The following BRD9 variants were observed in gnomAD, a reference collection of about 807,000 sequenced individuals.
The protein encoded by BRD9 is bromodomain containing 9.
Under a neutral mutation model 68.7 loss-of-function variants are expected in BRD9, and 47 were observed. The observed-to-expected ratio is 0.68, with a 90% confidence interval of 0.54 to 0.87. The LOEUF is 0.87. BRD9 is among the 40% of genes least tolerant of loss of function. BRD9 has a pLI of 0.00. For missense variants in BRD9, 670 were observed against 748.4 expected, an observed-to-expected ratio of 0.90 and a Z score of 1.22; for synonymous variants, 313 against 293.9, an observed-to-expected ratio of 1.06 and a Z score of -0.67.
At chr5:868,810 A>C (rs1749726663) in intron 14 of BRD9, 1 of 153,350 alleles carries the variant, frequency 6.5e-6, no homozygotes, top group African/African-American at 2.4e-5. Flanking sequence ...TTCCCCTATA[A>C]TAAATCACGG....
rs1579986517 is a variant in BRD9 at position 884,480 on chromosome 5, G to A, written c.834-410C>T. ...GGATAGGCGGGGCTGCTCGGGTGTG[G>A]TCTGGTGCTGCTGGGCTGGGTGGAC... On this transcript the variant is annotated intron_variant, in intron 7 of 15. Transcript: ENST00000467963. 2.0e-5 allele frequency among the ~76,000 whole-genome samples: 3 copies of A among 152,358 alleles called. No homozygotes were observed. In the East Asian group the frequency reaches 5.8e-4, roughly 29 times the overall value.
At chr5:865,000 A>G (rs541584447) in intron 15 of BRD9, among the ~76,000 whole-genome samples, 9 of 152,314 alleles carry the variant, frequency 5.9e-5, no homozygotes, top group African/African-American at 2.2e-4. Flanking sequence ...CTGCAGCTGA[A>G]GAACTGCCAA....
At chr5:880,792 G>A (rs1342011866) in intron 9 of BRD9, among the ~76,000 whole-genome samples, 3 of 152,212 alleles carry the variant, frequency 2.0e-5, no homozygotes, top group Non-Finnish European at 2.9e-5. Flanking sequence ...GACTGAGCTC[G>A]GGATGTGAAC....
rs941363574 is a variant in BRD9 at position 865,761 on chromosome 5, T to C, written c.1526-180A>G. 3 of 618,724 alleles carry C rather than the reference T, an allele frequency of 4.8e-6. No homozygotes were observed. In the South Asian group the frequency reaches 7.1e-5, roughly 15 times the overall value. 38.3% of individuals were successfully genotyped at this position (618,724 alleles called of 1,614,324 possible). A position where few individuals can be genotyped will look rare whatever the true frequency, so the allele number is the denominator to read the frequency against. ...AGGCCTGGAGGACAGACATTACCCT[T>C]AGCAGTGAGTGAAGGGAAGGCAGAC... On this transcript the variant is annotated intron_variant, in intron 14 of 15. Coordinates refer to ENST00000467963, the MANE Select transcript of BRD9 (RefSeq NM_023924.5).
At chr5:872,526 T>C (rs1750302896) in intron 12 of BRD9, among the ~76,000 whole-genome samples, 1 of 152,140 alleles carries the variant, frequency 6.6e-6, no homozygotes, top group Non-Finnish European at 1.5e-5. Flanking sequence ...GGGGGCCAGC[T>C]TCCTGCCTGG....
chr5:891,617 G>A (rs1391673519), intron 2 of BRD9, 23 bp downstream of exon 2: 1 of 1,548,912 alleles, frequency 6.5e-7, no homozygotes, highest in Admixed American at 2.0e-5. Flanking sequence ...GCAGCGTCCG[G>A]GCCACCGCCG....
rs1362224445 is a variant in BRD9, at chr5:891,814, G to A, written c.93C>T (p.Val31=). 1.9e-6 allele frequency: 3 copies of A among 1,551,464 alleles called. No individual in the cohort carries two copies. In the African/African-American group the frequency reaches 4.1e-5, roughly 21 times the overall value. The change falls in exon 2 of 16, where the codon GTC becomes GTT. Residue 31 remains valine (V), a synonymous_variant. Coordinates refer to ENST00000467963, the MANE Select transcript of BRD9 (RefSeq NM_023924.5). ...DKPLEKPLKL[V]LKVGGSEVTE... ...TCACTTCACTTCCTCCGACCTTCAG[G>A]ACTAGCTTTAGAGGCTTCTCCAGGG...
chr5:867,315 G>C (rs1386155931), intron 14 of BRD9, among the ~76,000 whole-genome samples: 1 of 152,234 alleles, frequency 6.6e-6, no homozygotes, highest in African/African-American at 2.4e-5. Flanking sequence ...GCCCTTCATG[G>C]AGAACCTCTG....
Position 891,819 on chromosome 5 carries a change from G to A in BRD9, c.88C>T (p.Leu30=), listed in dbSNP as rs1753454872. The A allele has an allele frequency of 6.4e-7, 1 of 1,551,594 alleles. No individual in the cohort carries two copies. The highest frequency in any genetic ancestry group is 8.7e-7 in the Non-Finnish European group (1 of 1,146,998). ...TCACTTCCTCCGACCTTCAGGACTA[G>A]CTTTAGAGGCTTCTCCAGGGGCTTG... ...ADKPLEKPLK[L]VLKVGGSEVT... is the part of the protein sequence containing the mutation. The change falls in exon 2 of 16, where the codon CTA becomes TTA. Residue 30 remains leucine (L), a synonymous_variant. Transcript: ENST00000467963.
Position 872,707 on chromosome 5 carries a change from A to T in BRD9, c.1384-1143T>A, listed in dbSNP as rs146421224. Among the ~76,000 whole-genome samples the T allele has an allele frequency of 8.6e-4, 131 of 152,348 alleles. 1 individual carries two copies. The East Asian group carries it at 0.023, about 27-fold the overall frequency. ...TCAGGGGCCTGCGAGCCCTCCAAGC[A>T]TGGAAATCAAGGAAAATCTTGAGTT... On this transcript the variant is annotated intron_variant, in intron 12 of 15. Coordinates refer to ENST00000467963, the MANE Select transcript of BRD9 (RefSeq NM_023924.5).
chr5:888,624 C>T (rs1194182588), intron 5 of BRD9, among the ~76,000 whole-genome samples: 1 of 152,220 alleles, frequency 6.6e-6, no homozygotes, highest in East Asian at 1.9e-4. Flanking sequence ...GACAGAAAAA[C>T]TTACTATGCT....
chr5:887,589 A>T, intron 5 of BRD9, 118 bp from the exon 6 acceptor site: 1 of 780,374 alleles, frequency 1.3e-6, no homozygotes, highest in East Asian at 2.5e-5. Flanking sequence ...AAACAATTCA[A>T]CTGGGCTCTC....
chr5:865,403 G>A lies in BRD9; in HGVS notation c.1693+11C>T. On this transcript the variant is annotated intron_variant, in intron 15 of 15. Transcript: ENST00000467963. ...GTCTCTGGGGATGCGGCGTGGGTGG[G>A]GGCATCTCACCCAGGTGGTGCTGGT... is the stretch of plus-strand genomic sequence containing the variant. The A allele has an allele frequency of 1.3e-5, 20 of 1,563,342 alleles. No homozygotes were observed. Among genetic ancestry groups the A allele is most frequent in the Non-Finnish European group, 1.7e-5 (19 of 1,150,532 alleles).
rs528422221 is a variant in BRD9, at chr5:889,553, C to T, written c.461+34G>A. On this transcript the variant is annotated intron_variant, in intron 4 of 15. Transcript: ENST00000467963. The stretch of plus-strand genomic sequence containing the variant: ...CAGAAAAGATGACACCACACCCCCC[C>T]AGACACTAGCTCTTCAGAAACGCCC... 32 of 1,610,366 alleles carry T rather than the reference C, an allele frequency of 2.0e-5. No individual in the cohort carries two copies. The South Asian group carries it at 2.4e-4, about 12-fold the overall frequency.
Position 891,094 on chromosome 5 carries a change from A to AC in BRD9, c.400+60dup, listed in dbSNP as rs1473903993. On this transcript the variant is annotated intron_variant, in intron 3 of 15. Coordinates refer to ENST00000467963, the MANE Select transcript of BRD9 (RefSeq NM_023924.5). ...CCCAAAGCAACAGGACACGGTGCCG[A>AC]CCCCTCATTTACAACGATGAGCTGT... is the stretch of plus-strand genomic sequence containing the variant. 4 of 1,489,958 alleles carry AC rather than the reference A, an allele frequency of 2.7e-6. No homozygotes were observed. In the East Asian group the frequency reaches 1.0e-4, roughly 37 times the overall value. The allele number at this position is 1,489,958 out of a possible 1,614,324, so 92.3% of individuals were successfully genotyped here. A position where few individuals can be genotyped will look rare whatever the true frequency, so the allele number is the denominator to read the frequency against.
intron 11 of BRD9, among the ~76,000 whole-genome samples, chr5:877,244 T>G (rs994298597): frequency 1.3e-5 from 2 of 152,152 alleles, no homozygotes; most frequent in African/African-American, 4.8e-5. Flanking sequence ...GCCACGGCCT[T>G]GGCCCAGGCT....
rs367603229 is a variant in BRD9 at position 881,112 on chromosome 5, G to C, written c.1037C>G (p.Ala346Gly). ...AGCCCTGAGCGGGCACCCACCATCA[G>C]CGTCCGGCTCGGCCGTGTTGACCAC... Reference protein sequence around the residue: ...YSVVNTAEPDADEEETHPVDL... With the variant: ...YSVVNTAEPDGDEEETHPVDL... Residue 346 changes from alanine (A) to glycine (G), a missense_variant, in exon 9 of 16, where the codon GCT becomes GGT. By Grantham distance (60) the Ala-to-Gly change is moderately conservative. Coordinates refer to ENST00000467963, the MANE Select transcript of BRD9 (RefSeq NM_023924.5). 1.9e-6 allele frequency: 3 copies of C among 1,614,050 alleles called. No homozygotes were observed. The highest frequency in any genetic ancestry group is 2.2e-5 in the South Asian group (2 of 91,088).
intron 12 of BRD9, among the ~76,000 whole-genome samples, chr5:873,632 A>G (rs1750472519): frequency 6.6e-6 from 1 of 151,960 alleles, no homozygotes; most frequent in Non-Finnish European, 1.5e-5. Flanking sequence ...GGAGGCCAGG[A>G]TTTATACATG....
chr5:892,156 G>A, intron 1 of BRD9: 1 of 439,440 alleles, frequency 2.3e-6, no homozygotes, highest in Non-Finnish European at 4.0e-6. Context: ...CTGGAACCCC[G>A]GAGCCCGATC....
Sources: allele counts gnomAD v4.1 joint callset (sites outside exome capture counted in the v4.1 genomes callset), GRCh38; gene constraint gnomAD v4.1.1; transcripts MANE v1.5; gene names NCBI Gene and HGNC (gene_info 2026-07-23, HGNC 2026-07-21).